PTK2: variants seen among roughly 807,000 people sequenced by gnomAD.
PTK2 encodes protein tyrosine kinase 2.
Under a neutral mutation model 150.1 loss-of-function variants are expected in PTK2, and 45 were observed. That is an observed-to-expected ratio of 0.30 (90% CI 0.24 to 0.38). The LOEUF is 0.38. Among genes scored for constraint, PTK2 ranks in the 10% least tolerant of loss-of-function variants. The probability of loss-of-function intolerance (pLI) is 1.00; values close to 1 mark genes in which losing one functional copy is unlikely to be tolerated. For synonymous variants in PTK2, 432 were observed against 449.2 expected, an observed-to-expected ratio of 0.96 and a Z score of 0.48; for missense variants, 919 against 1,307.3, an observed-to-expected ratio of 0.70 and a Z score of 4.58.
At position 140,752,319 on chromosome 8, in the gene PTK2, G is replaced by A. The variant is rs746380440; in HGVS notation, c.1333-3C>T. The A allele has an allele frequency of 6.2e-7, 1 of 1,612,884 alleles. No individual in the cohort carries two copies. Among genetic ancestry groups the A allele is most frequent in the South Asian group, 1.1e-5 (1 of 91,050 alleles). On this transcript the variant is annotated splice_polypyrimidine_tract_variant and splice_region_variant and intron_variant, in intron 16 of 31. Transcript: ENST00000522684. Reference sequence around the variant, plus strand: ...GCAACCGCCAAAGCTGGATTCTCCTGTGTTAGGGAAATTATAGAATCACAC... The same window carrying A: ...GCAACCGCCAAAGCTGGATTCTCCTATGTTAGGGAAATTATAGAATCACAC...
At position 140,785,294 on chromosome 8, in the gene PTK2, A is replaced by C. The variant is rs979752449; in HGVS notation, c.1177+4180T>G. On this transcript the variant is annotated intron_variant, in intron 14 of 31. Transcript: ENST00000522684. ...AGCACACCTCCATACCTTACTCAGG[A>C]ATTCATGGATTTATTTAAAAACAAT... Among the ~76,000 whole-genome samples, 6 of 152,338 alleles carry C rather than the reference A, an allele frequency of 3.9e-5. No homozygotes were observed. The East Asian group carries it at 9.6e-4, about 24-fold the overall frequency.
intron 16 of PTK2, among the ~76,000 whole-genome samples, chr8:140,754,998 T>G (rs1255965979): frequency 2.0e-5 from 3 of 152,232 alleles, no homozygotes; most frequent in African/African-American, 7.2e-5. Flanking sequence ...GAGAAGTTTT[T>G]CATTGTTCAA....
intron 1 of PTK2, among the ~76,000 whole-genome samples, chr8:140,979,503 G>A (rs772349449): frequency 9.9e-5 from 15 of 151,034 alleles, no homozygotes; most frequent in Non-Finnish European, 1.9e-4. Flanking sequence ...AATAAGGGAA[G>A]TTCAAATTAA....
At chr8:140,918,850 G>A (rs1208806472) in intron 2 of PTK2, among the ~76,000 whole-genome samples, 1 of 152,160 alleles carries the variant, frequency 6.6e-6, no homozygotes, top group African/African-American at 2.4e-5. Context: ...TTTTCACTGT[G>A]TCTTTATCTA....
At chr8:140,784,317 T>C (rs1303778120) in intron 14 of PTK2, among the ~76,000 whole-genome samples, 1 of 152,164 alleles carries the variant, frequency 6.6e-6, no homozygotes, top group Non-Finnish European at 1.5e-5. Flanking sequence ...AGTCCAAACA[T>C]GTAACAAGAG....
At chr8:140,669,659 A>C (rs1454198756) in intron 29 of PTK2, 68 bp downstream of exon 33, 1 of 1,497,662 alleles carries the variant, frequency 6.7e-7, no homozygotes, top group East Asian at 2.5e-5. Context: ...TCCAGTCCAA[A>C]GTTACATGCA....
chr8:140,669,431 G>A (rs2094446975), intron 29 of PTK2: 1 of 336,250 alleles, frequency 3.0e-6, no homozygotes, highest in East Asian at 4.8e-5. Flanking sequence ...TCCCATTTCT[G>A]AACCCTTGGG....
At chr8:140,861,885 A>C (rs2100136348) in intron 5 of PTK2, among the ~76,000 whole-genome samples, 1 of 152,172 alleles carries the variant, frequency 6.6e-6, no homozygotes, top group Non-Finnish European at 1.5e-5. Flanking sequence ...GACCACTCTG[A>C]CTGGATGGCA....
intron 4 of PTK2, among the ~76,000 whole-genome samples, chr8:140,874,843 C>T (rs960098401): frequency 1.3e-5 from 2 of 152,126 alleles, no homozygotes; most frequent in African/African-American, 2.4e-5. Flanking sequence ...AATTACTTTG[C>T]TTCTGGGCTT....
At chr8:140,983,679 A>G (rs1202100046) in intron 1 of PTK2, among the ~76,000 whole-genome samples, 1 of 145,622 alleles carries the variant, frequency 6.9e-6, no homozygotes, top group Non-Finnish European at 1.5e-5. Flanking sequence ...AGGAAGGAAG[A>G]AGGAAGGAAG....
intron 14 of PTK2, among the ~76,000 whole-genome samples, chr8:140,776,147 G>A (rs2100078314): frequency 6.6e-6 from 1 of 152,188 alleles, no homozygotes; most frequent in African/African-American, 2.4e-5. Flanking sequence ...GGGATTACAG[G>A]CATCCGCCAC....
At chr8:140,660,295 G>A (rs577703595) in intron 31 of PTK2, among the ~76,000 whole-genome samples, 2 of 152,314 alleles carry the variant, frequency 1.3e-5, no homozygotes, top group African/African-American at 2.4e-5. Flanking sequence ...CTGAGATACA[G>A]TAAGATGTGC....
chr8:140,761,233 T>C lies in PTK2; in HGVS notation c.1264A>G (p.Ile422Val), dbSNP rs1334497061. 1 of 1,612,806 alleles carries C rather than the reference T, an allele frequency of 6.2e-7. No homozygotes were observed. The highest frequency in any genetic ancestry group is 8.5e-7 in the Non-Finnish European group (1 of 1,179,058). Residue 422 changes from isoleucine (I) to valine (V), a missense_variant, in exon 16 of 32, where the codon ATA becomes GTA. By Grantham distance (29) the Ile-to-Val change is conservative (BLOSUM62 3). This residue lies in a region of PTK2 where 555 missense variants were observed against 880.1 expected (regional missense o/e 0.63). Coordinates refer to ENST00000522684, the Ensembl canonical transcript of PTK2. ...TCTCCAATACATCGTCCAAGTTCTA[T>C]TCTTTCTCTTTGAATCTCATAATCC...
chr8:140,837,521 G>C (rs953688721), intron 7 of PTK2, among the ~76,000 whole-genome samples: 1 of 152,046 alleles, frequency 6.6e-6, no homozygotes, highest in African/African-American at 2.4e-5. Flanking sequence ...TTGAGGTCAG[G>C]CATTCAAGAC....
At chr8:140,872,927 T>C (rs1599787060) in intron 4 of PTK2, among the ~76,000 whole-genome samples, 1 of 152,252 alleles carries the variant, frequency 6.6e-6, no homozygotes, top group Non-Finnish European at 1.5e-5. Context: ...AAAGTTGTGC[T>C]AGGACTTACT....
intron 1 of PTK2, among the ~76,000 whole-genome samples, chr8:140,998,813 C>A (rs1234785592): frequency 7.1e-6 from 1 of 141,656 alleles, no homozygotes; most frequent in Non-Finnish European, 1.5e-5. Context: ...GGTGAGACTC[C>A]GTCTCAAAAA....
intron 14 of PTK2, among the ~76,000 whole-genome samples, chr8:140,781,741 G>A (rs2100081805): frequency 6.6e-6 from 1 of 152,216 alleles, no homozygotes. Context: ...AAGGGTGAAG[G>A]AGTGGTTCCG....
chr8:140,898,354 T>A (rs1216682364), intron 2 of PTK2, among the ~76,000 whole-genome samples: 2 of 152,190 alleles, frequency 1.3e-5, no homozygotes, highest in African/African-American at 4.8e-5. Context: ...CTTTACTGAG[T>A]CCTGGCTCAG....
At chr8:140,697,010 T>G (rs940661208) in intron 26 of PTK2, among the ~76,000 whole-genome samples, 6 of 151,874 alleles carry the variant, frequency 4.0e-5, no homozygotes, top group African/African-American at 1.5e-4. Flanking sequence ...GGTGCGTGAC[T>G]GTAGTCCCAG....
Sources: allele counts gnomAD v4.1 joint callset (sites outside exome capture counted in the v4.1 genomes callset), GRCh38; gene constraint gnomAD v4.1.1; regional missense constraint gnomAD v4.1.1; transcripts MANE v1.5; gene names NCBI Gene and HGNC (gene_info 2026-07-23, HGNC 2026-07-21).